ZBTB10: variants seen among roughly 807,000 people sequenced by gnomAD.
ZBTB10 encodes the protein zinc finger and BTB domain-containing protein 10.
A neutral mutation model predicts 76.4 loss-of-function variants in ZBTB10; 32 were observed. That is an observed-to-expected ratio of 0.42 (90% CI 0.32 to 0.56). ZBTB10 has a LOEUF of 0.56. ZBTB10 is among the 20% of genes least tolerant of loss of function. The probability of loss-of-function intolerance (pLI) is 0.14; values close to 1 mark genes in which losing one functional copy is unlikely to be tolerated. For synonymous variants in ZBTB10, 523 were observed against 432.9 expected (o/e 1.21, Z -2.58); for missense variants, 1,057 against 1,098.5 (o/e 0.96, Z 0.53).
intron 2 of ZBTB10, among the ~76,000 whole-genome samples, chr8:80,504,379 A>G (rs1302975638): frequency 6.6e-6 from 1 of 152,202 alleles, no homozygotes; most frequent in East Asian, 1.9e-4. Flanking sequence ...TCTTCAGCAC[A>G]GAGTTTGTAA....
chr8:80,507,319 G>GA (rs1304554848), intron 2 of ZBTB10, among the ~76,000 whole-genome samples: 1,864 of 121,656 alleles, frequency 0.015, 23 homozygotes, highest in African/African-American at 0.052. Context: ...AAGAAGAAAA[G>GA]AAAAAAAAAA....
intron 2 of ZBTB10, among the ~76,000 whole-genome samples, chr8:80,509,124 G>C (rs1816128964): frequency 6.6e-6 from 1 of 152,106 alleles, no homozygotes; most frequent in South Asian, 2.1e-4. Flanking sequence ...GTAAAGGGTG[G>C]TTTATATAAT....
intron 1 of ZBTB10, among the ~76,000 whole-genome samples, chr8:80,488,288 C>A (rs573336158): frequency 6.6e-6 from 1 of 152,234 alleles, no homozygotes; most frequent in African/African-American, 2.4e-5. Context: ...TATATGAAAT[C>A]AAAATAATGT....
chr8:80,494,570 C>T (rs1815732500), intron 1 of ZBTB10, among the ~76,000 whole-genome samples: 1 of 152,154 alleles, frequency 6.6e-6, no homozygotes, highest in Non-Finnish European at 1.5e-5. Context: ...ACCTCATTGA[C>T]ACCTATCTTC....
chr8:80,492,102 A>G (rs1279763510), intron 1 of ZBTB10, among the ~76,000 whole-genome samples: 6 of 152,192 alleles, frequency 3.9e-5, no homozygotes, highest in Non-Finnish European at 8.8e-5. Flanking sequence ...AGTCTGAAAG[A>G]CCTTTCACTG....
intron 2 of ZBTB10, among the ~76,000 whole-genome samples, chr8:80,505,558 AAT>A (rs1188326701): frequency 6.6e-6 from 1 of 152,212 alleles, no homozygotes; most frequent in East Asian, 1.9e-4. Context: ...ATGATGGAAA[AAT>A]AGTTTTGCAG....
At chr8:80,495,034 T>C (rs1027000149) in intron 1 of ZBTB10, among the ~76,000 whole-genome samples, 3 of 152,130 alleles carry the variant, frequency 2.0e-5, no homozygotes, top group Non-Finnish European at 4.4e-5. Flanking sequence ...CTCTCCTCTT[T>C]GCTATTTCGA....
chr8:80,517,840 G>A (rs915291907), intron 3 of ZBTB10, among the ~76,000 whole-genome samples: 2 of 128,190 alleles, frequency 1.6e-5, no homozygotes. Flanking sequence ...ACAATTAAAT[G>A]ATATTCATGT....
chr8:80,493,207 G>GCGCGCGCACACGCGCACACACA (rs375071529), intron 1 of ZBTB10, among the ~76,000 whole-genome samples: 1 of 125,244 alleles, frequency 8.0e-6, no homozygotes, highest in Non-Finnish European at 1.7e-5. Context: ...GCGCGCGCGC[G>GCGCGCGCACACGCGCACACACA]CACACACACA....
chr8:80,487,878 A>G (rs1043523906), intron 1 of ZBTB10, 96 bp downstream of exon 1: 3 of 1,366,576 alleles, frequency 2.2e-6, no homozygotes, highest in Non-Finnish European at 1.9e-6. Flanking sequence ...AAAAACCTCA[A>G]AACCATTTTC....
At position 80,525,162 on chromosome 8, in the gene ZBTB10, G is replaced by C. The variant is rs1816534519; in HGVS notation, c.*5634G>C. On this transcript the variant is annotated 3_prime_UTR_variant, in exon 6 of 6. Transcript: ENST00000455036. ...TTTCACCACAAATCACCGCAGACCAGTGTTTGGGAGCAGGTGTAGGAAATT... is the reference window on the plus strand; with the variant it reads ...TTTCACCACAAATCACCGCAGACCACTGTTTGGGAGCAGGTGTAGGAAATT... The C allele has an allele frequency of 2.6e-5, 4 of 152,138 alleles. No individual in the cohort carries two copies. The South Asian group carries it at 8.3e-4, about 31-fold the overall frequency. The allele number at this position is 152,138 out of a possible 1,614,324, so 9.4% of individuals were successfully genotyped here.
chr8:80,503,779 C>T (rs1233097359), intron 2 of ZBTB10, among the ~76,000 whole-genome samples: 1 of 152,198 alleles, frequency 6.6e-6, no homozygotes, highest in Non-Finnish European at 1.5e-5. Context: ...CCACTTTGGC[C>T]TCCCAAAGTG....
chr8:80,518,499 G>A lies in ZBTB10; in HGVS notation c.2057G>A (p.Gly686Glu). The change falls in exon 4 of 6, where the codon GGA (glycine) becomes GAA (glutamate). Residue 686 changes from glycine to glutamate, a missense_variant. This residue lies in a region of ZBTB10 where 306 missense variants were observed against 297.5 expected (regional missense o/e 1.03). Transcript: ENST00000455036. ...GGTACTTCAAATGATTTCAAGTATG[G>A]ATTGATACCAGGTGCTTCAAATGAT... is the stretch of plus-strand genomic sequence containing the variant. ...IPGTSNDFKY[G>E]LIPGASNDFK... 2.6e-6 allele frequency: 4 copies of A among 1,553,554 alleles called. No individual in the cohort carries two copies. In the South Asian group the frequency reaches 3.6e-5, roughly 14 times the overall value.
intron 2 of ZBTB10, among the ~76,000 whole-genome samples, chr8:80,512,547 C>CA (rs1169767030): frequency 1.3e-5 from 2 of 152,006 alleles, no homozygotes; most frequent in African/African-American, 2.4e-5. Flanking sequence ...CCTGTCTCTA[C>CA]AAAAAATTAC....
intron 3 of ZBTB10, among the ~76,000 whole-genome samples, chr8:80,514,488 T>A (rs1268019424): frequency 2.0e-5 from 3 of 152,222 alleles, no homozygotes; most frequent in Non-Finnish European, 4.4e-5. Flanking sequence ...AAGAAAGTCA[T>A]TCTTTACAGA....
In ZBTB10 at chr8:80,522,257, G is replaced by A. The variant is rs1282274141; in HGVS notation, c.*2729G>A. Reference sequence around the variant, plus strand: ...TAAGAACTTATGATTGGTCTCAGAGGTAACAATGAAATACTCATAATTTTG... The same window carrying A: ...TAAGAACTTATGATTGGTCTCAGAGATAACAATGAAATACTCATAATTTTG... On this transcript the variant is annotated 3_prime_UTR_variant, in exon 6 of 6. Transcript: ENST00000455036. The A allele has an allele frequency of 6.6e-6, 1 of 151,802 alleles. No homozygotes were observed. Among genetic ancestry groups the A allele is most frequent in the Admixed American group, 6.6e-5 (1 of 15,208 alleles). The allele number at this position is 151,802 out of a possible 1,614,324, so 9.4% of individuals were successfully genotyped here.
chr8:80,515,890 A>AC (rs1401488127), intron 3 of ZBTB10, among the ~76,000 whole-genome samples: 2 of 152,224 alleles, frequency 1.3e-5, no homozygotes, highest in Non-Finnish European at 2.9e-5. Context: ...AATTACAATG[A>AC]CAGTACCTTT....
chr8:80,497,878 G>A (rs1815827470), intron 1 of ZBTB10, among the ~76,000 whole-genome samples: 1 of 151,862 alleles, frequency 6.6e-6, no homozygotes, highest in African/African-American at 2.4e-5. Flanking sequence ...GGCCAGGCTG[G>A]TCTTGAACTC....
At chr8:80,515,667 A>G (rs1207956516) in intron 3 of ZBTB10, among the ~76,000 whole-genome samples, 2 of 152,164 alleles carry the variant, frequency 1.3e-5, no homozygotes, top group African/African-American at 4.8e-5. Flanking sequence ...TAAACCTTTG[A>G]TATAGGGTTA....
Sources: allele counts gnomAD v4.1 joint callset (sites outside exome capture counted in the v4.1 genomes callset), GRCh38; gene constraint gnomAD v4.1.1; regional missense constraint gnomAD v4.1.1; transcripts MANE v1.5; gene names NCBI Gene and HGNC (gene_info 2026-07-23, HGNC 2026-07-21).